Variants in MCC observed in about 807,000 individuals in gnomAD.
MCC encodes the protein colorectal mutant cancer protein.
A neutral mutation model predicts 116.2 loss-of-function variants in MCC; 90 were observed. The ratio of observed to expected loss-of-function variants is 0.77; its 90% CI spans 0.65 to 0.92. The LOEUF (loss-of-function observed/expected upper bound fraction) is 0.92, where lower values mean the gene tolerates loss of function less well. MCC is among the 40% of genes least tolerant of loss of function. The pLI, the probability that MCC is intolerant of heterozygous loss-of-function variation, is 0.00. For synonymous variants in MCC, 578 were observed against 510.5 expected (o/e 1.13, Z -1.78); for missense variants, 1,516 against 1,312.2 (o/e 1.16, Z -2.40).
At chr5:113,216,583 T>C (rs949684979) in intron 3 of MCC, among the ~76,000 whole-genome samples, 1 of 152,234 alleles carries the variant, frequency 6.6e-6, no homozygotes, top group African/African-American at 2.4e-5. Context: ...AAATGTTAAC[T>C]AGGTAGATGA....
At chr5:113,122,572 A>T in intron 6 of MCC, 112 bp downstream of exon 6, 1 of 1,277,526 alleles carries the variant, frequency 7.8e-7, no homozygotes, top group African/African-American at 1.5e-5. Flanking sequence ...TCATCCACTC[A>T]GCAAACCCCT....
At chr5:113,101,687 C>T in intron 8 of MCC, 52 bp downstream of exon 8, 1 of 1,594,120 alleles carries the variant, frequency 6.3e-7, no homozygotes, top group Non-Finnish European at 8.6e-7. Context: ...ACCAGCCTCT[C>T]TCAGCCCCAT....
At chr5:113,120,235 T>G (rs1561371589) in intron 6 of MCC, among the ~76,000 whole-genome samples, 1 of 152,158 alleles carries the variant, frequency 6.6e-6, no homozygotes, top group African/African-American at 2.4e-5. Context: ...ACTTAGCATG[T>G]TGGTATGAAC....
At chr5:113,073,690 G>A (rs927537231) in intron 11 of MCC, among the ~76,000 whole-genome samples, 1 of 145,756 alleles carries the variant, frequency 6.9e-6, no homozygotes, top group Admixed American at 6.8e-5. Flanking sequence ...CCATCTCAAT[G>A]TAAGCCTCCC....
chr5:113,333,862 T>TAC lies in MCC; in HGVS notation c.627+6656_627+6657insGT, dbSNP rs371610854. On this transcript the variant is annotated intron_variant, in intron 3 of 18. Transcript: ENST00000408903. Reference sequence around the variant, plus strand: ...ATATATGTATATATGTACATATATGTATATATGTATTCACATATACATGTA... The same window carrying TAC: ...ATATATGTATATATGTACATATATGTACATATATGTATTCACATATACATGTA... Among the ~76,000 whole-genome samples, 120 of 94,186 alleles carry TAC rather than the reference T, an allele frequency of 1.3e-3. 10 individuals are homozygous for TAC. Among genetic ancestry groups the TAC allele is most frequent in the African/African-American group, 1.9e-3 (51 of 26,448 alleles). The allele number at this position is 94,186 out of a possible 152,430, so 61.8% of individuals were successfully genotyped here.
At chr5:113,251,736 C>G (rs1276257849) in intron 3 of MCC, among the ~76,000 whole-genome samples, 3 of 152,152 alleles carry the variant, frequency 2.0e-5, no homozygotes, top group African/African-American at 7.2e-5. Flanking sequence ...CAAAACAAAA[C>G]AAAATACTGA....
At chr5:113,447,858 G>C (rs188349606) in intron 1 of MCC, among the ~76,000 whole-genome samples, 3 of 152,136 alleles carry the variant, frequency 2.0e-5, no homozygotes, top group Non-Finnish European at 4.4e-5. Context: ...CACCGAGAGA[G>C]AGCATTTTGA....
intron 16 of MCC, chr5:113,044,548 T>C (rs1751943262): frequency 2.3e-6 from 2 of 856,128 alleles, no homozygotes; most frequent in African/African-American, 1.8e-5. Context: ...TGTGATCTGT[T>C]GCAGGAGATG....
At chr5:113,119,283 A>G (rs936229494) in intron 6 of MCC, among the ~76,000 whole-genome samples, 3 of 152,212 alleles carry the variant, frequency 2.0e-5, no homozygotes, top group Non-Finnish European at 4.4e-5. Flanking sequence ...ATCCTCAGGG[A>G]GTGCTCCATG....
chr5:113,455,238 C>T lies in MCC; in HGVS notation c.170+33007G>A, dbSNP rs367946438. Among the ~76,000 whole-genome samples, 28 of 152,320 alleles carry T rather than the reference C, an allele frequency of 1.8e-4. No individual in the cohort carries two copies. In the East Asian group the frequency reaches 4.1e-3, roughly 22 times the overall value. On this transcript the variant is annotated intron_variant, in intron 1 of 18. Transcript: ENST00000408903. ...GCTCAGCTGATGCCCCATTCCTGGC[C>T]GGCTCCAGGTCCCTTCTTGGCCAGC...
chr5:113,469,852 G>C (rs1371191451), intron 1 of MCC, among the ~76,000 whole-genome samples: 6 of 152,190 alleles, frequency 3.9e-5, no homozygotes, highest in Non-Finnish European at 7.3e-5. Flanking sequence ...CTTGCTTTAT[G>C]AATCTGGGTG....
Position 113,471,502 on chromosome 5 carries a change from A to T in MCC, c.170+16743T>A, listed in dbSNP as rs1772089494. ...AGAGCAGCGGATACTGGTGAACCAC[A>T]GATGCTGCTGCCTGATCGTTCCTCT... is the stretch of plus-strand genomic sequence containing the variant. On this transcript the variant is annotated intron_variant, in intron 1 of 18. Coordinates refer to ENST00000408903, the MANE Select transcript of MCC (RefSeq NM_001085377.2). 2.0e-5 allele frequency among the ~76,000 whole-genome samples: 3 copies of T among 152,062 alleles called. No homozygotes were observed. The South Asian group carries it at 6.2e-4, about 32-fold the overall frequency.
At chr5:113,280,723 T>C (rs1561503543) in intron 3 of MCC, among the ~76,000 whole-genome samples, 1 of 152,212 alleles carries the variant, frequency 6.6e-6, no homozygotes, top group Non-Finnish European at 1.5e-5. Context: ...GGAAGAATAC[T>C]GACTACAAGA....
At chr5:113,132,417 T>TACAC (rs1391358885) in intron 5 of MCC, among the ~76,000 whole-genome samples, 2 of 121,282 alleles carry the variant, frequency 1.6e-5, no homozygotes, top group African/African-American at 7.1e-5. Flanking sequence ...CATATATATA[T>TACAC]ACACACATAC....
chr5:113,269,585 A>T (rs943175310), intron 3 of MCC, among the ~76,000 whole-genome samples: 2 of 152,154 alleles, frequency 1.3e-5, no homozygotes, highest in African/African-American at 4.8e-5. Context: ...ATCTTCCCCA[A>T]CCTACAGTCA....
chr5:113,047,839 A>G (rs928505267), intron 16 of MCC, among the ~76,000 whole-genome samples: 4 of 151,494 alleles, frequency 2.6e-5, no homozygotes, highest in African/African-American at 9.7e-5. Context: ...ATTCCAGAAA[A>G]AAAAAAAAAC....
At chr5:113,440,783 G>A (rs1465624832) in intron 1 of MCC, among the ~76,000 whole-genome samples, 1 of 151,922 alleles carries the variant, frequency 6.6e-6, no homozygotes, top group African/African-American at 2.4e-5. Flanking sequence ...GAAGGAACAG[G>A]AAAAAGAGAA....
chr5:113,464,362 G>A (rs975641555), intron 1 of MCC, among the ~76,000 whole-genome samples: 1 of 152,110 alleles, frequency 6.6e-6, no homozygotes, highest in African/African-American at 2.4e-5. Flanking sequence ...CTTATTCTTT[G>A]AATGCACCAG....
At chr5:113,121,524 C>T (rs78363715) in intron 6 of MCC, among the ~76,000 whole-genome samples, 1,687 of 152,306 alleles carry the variant, frequency 0.011, 38 homozygotes, top group African/African-American at 0.039. Flanking sequence ...TTAATTCCTA[C>T]TGATCCTCCA....
Sources: allele counts gnomAD v4.1 joint callset (sites outside exome capture counted in the v4.1 genomes callset), GRCh38; gene constraint gnomAD v4.1.1; transcripts MANE v1.5; gene names NCBI Gene and HGNC (gene_info 2026-07-23, HGNC 2026-07-21).